DYTN: variants seen among roughly 807,000 people sequenced by gnomAD.
DYTN encodes the protein dystrotelin.
A neutral mutation model predicts 69.6 loss-of-function variants in DYTN; 75 were observed. The ratio of observed to expected loss-of-function variants is 1.08; its 90% confidence interval spans 0.89 to 1.31. The LOEUF (loss-of-function observed/expected upper bound fraction) is 1.31. Among genes scored for constraint, DYTN ranks in the 50% most tolerant of loss-of-function variants. The pLI is 0.00. For missense variants in DYTN, 726 were observed against 688.4 expected, an observed-to-expected ratio of 1.05 and a Z score of -0.61; for synonymous variants, 252 against 249.1, an observed-to-expected ratio of 1.01 and a Z score of -0.11.
At chr2:206,710,634 T>A (rs989604298) in intron 1 of DYTN, 36 bp from the exon 2 acceptor site, 2 of 1,473,438 alleles carry the variant, frequency 1.4e-6, no homozygotes, top group African/African-American at 2.8e-5. Flanking sequence ...GAATAAAGTC[T>A]CTCTCATTAT....
intron 7 of DYTN, among the ~76,000 whole-genome samples, chr2:206,695,500 G>T (rs530975228): frequency 1.5e-4 from 23 of 152,328 alleles, no homozygotes; most frequent in African/African-American, 5.3e-4. Flanking sequence ...CAACATTGGA[G>T]AATTTTTCTT....
chr2:206,680,438 T>C (rs1699738520), intron 9 of DYTN, among the ~76,000 whole-genome samples: 1 of 152,154 alleles, frequency 6.6e-6, no homozygotes, highest in Non-Finnish European at 1.5e-5. Context: ...ACTCAGATAT[T>C]TACAAACATC....
intron 9 of DYTN, among the ~76,000 whole-genome samples, chr2:206,675,638 C>G (rs1157653434): frequency 6.6e-6 from 1 of 152,024 alleles, no homozygotes; most frequent in Non-Finnish European, 1.5e-5. Context: ...AAAGATGTTT[C>G]CACATCAACA....
chr2:206,705,136 C>T lies in DYTN; in HGVS notation c.383-193G>A. On this transcript the variant is annotated intron_variant, in intron 4 of 11. Coordinates refer to ENST00000452335, the MANE Select transcript of DYTN (RefSeq NM_001093730.1). ...TTTTAAATGAGGTTTTGTTCCTGTT[C>T]CCCAGGTTAGAGTGCAATGGCACAA... 4 of 577,230 alleles carry T rather than the reference C, an allele frequency of 6.9e-6. No homozygotes were observed. The South Asian group carries it at 8.5e-5, about 12-fold the overall frequency. The allele number at this position is 577,230 out of a possible 1,614,324, so 35.8% of individuals were successfully genotyped here. A position where few individuals can be genotyped will look rare whatever the true frequency, so the allele number is the denominator to read the frequency against.
chr2:206,686,775 A>T (rs1294345967), intron 9 of DYTN: 3 of 152,336 alleles, frequency 2.0e-5, no homozygotes, highest in Non-Finnish European at 2.9e-5. Context: ...TTGCAGCCCC[A>T]TGCCTTTTCA....
intron 9 of DYTN, among the ~76,000 whole-genome samples, chr2:206,676,570 T>C (rs1699689932): frequency 6.6e-6 from 1 of 152,150 alleles, no homozygotes; most frequent in South Asian, 2.1e-4. Flanking sequence ...TATCCCAGAA[T>C]TTAAAATTTT....
rs746348595 is a variant in DYTN, at chr2:206,651,739, G to C, written c.*79C>G. 1.5e-6 allele frequency: 2 copies of C among 1,300,402 alleles called. No homozygotes were observed. Among genetic ancestry groups the C allele is most frequent in the Non-Finnish European group, 2.2e-6 (2 of 914,294 alleles). The allele number at this position is 1,300,402 out of a possible 1,614,324, so 80.6% of individuals were successfully genotyped here. A position where few individuals can be genotyped will look rare whatever the true frequency, so the allele number is the denominator to read the frequency against. On this transcript the variant is annotated 3_prime_UTR_variant, in exon 12 of 12. Transcript: ENST00000452335. ...ACACTAAACTATTAAAAGAAAGGTAGAAGTCTTAATTCTTTTAATACAGTT... is the reference window on the plus strand; with the variant it reads ...ACACTAAACTATTAAAAGAAAGGTACAAGTCTTAATTCTTTTAATACAGTT...
chr2:206,654,511 G>C (rs1024767437), intron 11 of DYTN, among the ~76,000 whole-genome samples: 3 of 151,782 alleles, frequency 2.0e-5, no homozygotes, highest in Non-Finnish European at 4.4e-5. Context: ...AATATTTGTC[G>C]ATCAACTGTT....
chr2:206,666,175 G>A, intron 9 of DYTN, 146 bp from the exon 10 acceptor site: 2 of 1,093,848 alleles, frequency 1.8e-6, no homozygotes, highest in South Asian at 3.3e-5. Flanking sequence ...TTGAGATGGA[G>A]CCTCGCTCTG....
At chr2:206,707,961 G>C (rs1195132925) in intron 2 of DYTN, among the ~76,000 whole-genome samples, 1 of 152,152 alleles carries the variant, frequency 6.6e-6, no homozygotes, top group East Asian at 1.9e-4. Context: ...AAGCAATATG[G>C]TGTGTTGAAA....
chr2:206,655,960 A>T (rs759392789), intron 11 of DYTN, among the ~76,000 whole-genome samples: 1 of 152,214 alleles, frequency 6.6e-6, no homozygotes, highest in Non-Finnish European at 1.5e-5. Context: ...TATATTCTGC[A>T]CTATTGGGTG....
rs764055878 is a variant in DYTN at position 206,651,639 on chromosome 2, C to T, written c.*179G>A. 2.7e-5 allele frequency: 15 copies of T among 564,134 alleles called. No individual in the cohort carries two copies. In the Admixed American group the frequency reaches 3.4e-4, roughly 13 times the overall value. 34.9% of individuals were successfully genotyped at this position (564,134 alleles called of 1,614,324 possible). A position where few individuals can be genotyped will look rare whatever the true frequency, so the allele number is the denominator to read the frequency against. The stretch of plus-strand genomic sequence containing the variant: ...ACTCGCCCTGCTAACCCCCAACCTT[C>T]ACTCTGAACTGCAGAACTAAGATAC... On this transcript the variant is annotated 3_prime_UTR_variant, in exon 12 of 12. Transcript: ENST00000452335.
At chr2:206,701,713 G>A (rs1699979398) in intron 5 of DYTN, among the ~76,000 whole-genome samples, 1 of 152,146 alleles carries the variant, frequency 6.6e-6, no homozygotes, top group African/African-American at 2.4e-5. Flanking sequence ...TCTAATTGCA[G>A]CATGGCTACT....
rs1395995174 is a variant in DYTN at position 206,675,111 on chromosome 2, A to ATG, written c.981-9083_981-9082insCA. Among the ~76,000 whole-genome samples the ATG allele has an allele frequency of 3.1e-5, 3 of 95,680 alleles. No individual in the cohort carries two copies. In the Admixed American group the frequency reaches 3.5e-4, roughly 11 times the overall value. The allele number at this position is 95,680 out of a possible 152,430, so 62.8% of individuals were successfully genotyped here. Reference sequence around the variant, plus strand: ...ATATTGGAGGGGAAAAAACATATATATATATGTGTGTGTGTGTGTGTGTGT... The same window carrying ATG: ...ATATTGGAGGGGAAAAAACATATATATGTATATGTGTGTGTGTGTGTGTGTGT... On this transcript the variant is annotated intron_variant, in intron 9 of 11. Coordinates refer to ENST00000452335, the MANE Select transcript of DYTN (RefSeq NM_001093730.1).
At chr2:206,652,448 C>A (rs1484917775) in intron 11 of DYTN, among the ~76,000 whole-genome samples, 1 of 152,118 alleles carries the variant, frequency 6.6e-6, no homozygotes, top group Non-Finnish European at 1.5e-5. Flanking sequence ...GAAAGATCTA[C>A]AATTTGGCAG....
intron 11 of DYTN, among the ~76,000 whole-genome samples, chr2:206,653,853 G>A (rs1007806273): frequency 2.6e-5 from 4 of 152,142 alleles, no homozygotes; most frequent in African/African-American, 9.7e-5. Flanking sequence ...CCCCATTGCA[G>A]TAAGTGCATC....
At chr2:206,686,381 G>A (rs906535457) in intron 9 of DYTN, 3 of 152,208 alleles carry the variant, frequency 2.0e-5, no homozygotes, top group Admixed American at 2.0e-4. Flanking sequence ...AATTTAAGGA[G>A]TCCATTTCAT....
At chr2:206,672,980 G>T (rs944254665) in intron 9 of DYTN, among the ~76,000 whole-genome samples, 6 of 152,130 alleles carry the variant, frequency 3.9e-5, no homozygotes, top group African/African-American at 1.2e-4. Context: ...GGTTTGTTAC[G>T]TAGGTAAATG....
rs1699903748 is a variant in DYTN, at chr2:206,694,861, A to T, written c.736T>A (p.Cys246Ser). ...ITGLRYRCLK[C>S]LNFDICQMCF... ...ATCTGGCAGATGTCAAAGTTGAGAC[A>T]CTTCAGACAGCGGTATCTGCCAGTT... Residue 246 changes from cysteine to serine, a missense_variant, in exon 8 of 12, where the codon TGT becomes AGT. Coordinates refer to ENST00000452335, the MANE Select transcript of DYTN (RefSeq NM_001093730.1). 2 of 1,605,570 alleles carry T rather than the reference A, an allele frequency of 1.2e-6. No homozygotes were observed. The highest frequency in any genetic ancestry group is 1.7e-5 in the Admixed American group (1 of 58,498).
Sources: gnomAD v4.1 joint callset for allele counts (sites outside exome capture counted in the v4.1 genomes callset) on GRCh38, gnomAD v4.1.1 for gene constraint, MANE v1.5 for transcripts, NCBI Gene and HGNC (gene_info 2026-07-23, HGNC 2026-07-21) for gene names.